LIX1: variants seen among roughly 807,000 people sequenced by gnomAD.
LIX1 encodes limb and CNS expressed 1.
LIX1 carries 24 observed loss-of-function variants against 33.4 expected under a neutral mutation model. The observed-to-expected ratio is 0.72, with a 90% confidence interval of 0.52 to 1.01. The LOEUF (loss-of-function observed/expected upper bound fraction) is 1.01, where lower values mean the gene tolerates loss of function less well. Among genes scored for constraint, LIX1 ranks in the 50% least tolerant of loss-of-function variants. The probability of loss-of-function intolerance (pLI) is 0.00; values close to 1 mark genes in which losing one functional copy is unlikely to be tolerated. For missense variants in LIX1, 311 were observed against 339.2 expected (o/e 0.92, Z 0.65); for synonymous variants, 124 against 124.0 (o/e 1.00, Z 0.00).
chr5:97,115,993 C>A (rs144131880), intron 2 of LIX1, among the ~76,000 whole-genome samples: 7 of 152,142 alleles, frequency 4.6e-5, no homozygotes, highest in Non-Finnish European at 1.0e-4. Flanking sequence ...CAAATCCTAT[C>A]GGCTGTTAGG....
chr5:97,142,309 T>A (rs1285516707), intron 1 of LIX1, among the ~76,000 whole-genome samples, 186 bp downstream of exon 1: 1 of 152,212 alleles, frequency 6.6e-6, no homozygotes, highest in Non-Finnish European at 1.5e-5. Context: ...AATAACCCAG[T>A]GCCTAATGCC....
At chr5:97,119,030 C>T (rs1747710685) in intron 2 of LIX1, among the ~76,000 whole-genome samples, 1 of 152,194 alleles carries the variant, frequency 6.6e-6, no homozygotes, top group Non-Finnish European at 1.5e-5. Context: ...AATCAGAAAA[C>T]TAAAGTTCAG....
intron 4 of LIX1, among the ~76,000 whole-genome samples, chr5:97,102,501 T>C (rs1746762709): frequency 1.3e-5 from 2 of 152,144 alleles, no homozygotes; most frequent in Non-Finnish European, 2.9e-5. Context: ...GGAGTTTGGA[T>C]TTTCCCTGCC....
At chr5:97,140,222 G>T (rs1478316080) in intron 1 of LIX1, among the ~76,000 whole-genome samples, 1 of 152,140 alleles carries the variant, frequency 6.6e-6, no homozygotes, top group Non-Finnish European at 1.5e-5. Flanking sequence ...AGTGTTTTGT[G>T]TGTGCATGTG....
At chr5:97,120,575 G>A (rs934391157) in intron 2 of LIX1, among the ~76,000 whole-genome samples, 1 of 152,180 alleles carries the variant, frequency 6.6e-6, no homozygotes, top group South Asian at 2.1e-4. Flanking sequence ...AAGATGGTCA[G>A]GGTTTAGACA....
intron 4 of LIX1, chr5:97,103,113 A>T (rs1746807204): frequency 2.2e-6 from 1 of 451,338 alleles, no homozygotes; most frequent in South Asian, 1.6e-5. Context: ...GACTTTTTAA[A>T]GTTTATATTC....
chr5:97,132,575 G>T (rs1748079748), intron 1 of LIX1, among the ~76,000 whole-genome samples: 2 of 152,014 alleles, frequency 1.3e-5, no homozygotes, highest in Non-Finnish European at 2.9e-5. Context: ...TTTGACAAGA[G>T]ACAGGGTGAG....
At chr5:97,137,644 T>A (rs1241918175) in intron 1 of LIX1, among the ~76,000 whole-genome samples, 1 of 152,170 alleles carries the variant, frequency 6.6e-6, no homozygotes, top group Non-Finnish European at 1.5e-5. Flanking sequence ...ATTAGCAGAG[T>A]TCAAATTACT....
chr5:97,129,188 C>T (rs1307488926), intron 1 of LIX1, among the ~76,000 whole-genome samples: 1 of 152,126 alleles, frequency 6.6e-6, no homozygotes, highest in Non-Finnish European at 1.5e-5. Context: ...TGTCTATTGT[C>T]TTCTTGAATG....
At chr5:97,134,631 T>C (rs1247480576) in intron 1 of LIX1, among the ~76,000 whole-genome samples, 15 of 152,352 alleles carry the variant, frequency 9.8e-5, no homozygotes, top group Admixed American at 4.6e-4. Flanking sequence ...CCCTAAACAA[T>C]TGAAAGGGTA....
chr5:97,134,119 C>A lies in LIX1; in HGVS notation c.82+8376G>T, dbSNP rs370352691. 3.3e-5 allele frequency among the ~76,000 whole-genome samples: 5 copies of A among 152,224 alleles called. No individual in the cohort carries two copies. The South Asian group carries it at 8.3e-4, about 25-fold the overall frequency. On this transcript the variant is annotated intron_variant, in intron 1 of 5. Coordinates refer to ENST00000274382, the MANE Select transcript of LIX1 (RefSeq NM_153234.5). ...CATTAAGAGGCTTTCAAGATGATTA[C>A]CATATATATATATTTTTTGAGATGG...
chr5:97,132,662 G>A (rs1748081362), intron 1 of LIX1, among the ~76,000 whole-genome samples: 1 of 152,196 alleles, frequency 6.6e-6, no homozygotes, highest in South Asian at 2.1e-4. Context: ...CAGGAGAGAA[G>A]GGTAGGAACA....
chr5:97,122,066 C>A (rs1206037869), intron 2 of LIX1, among the ~76,000 whole-genome samples: 1 of 152,172 alleles, frequency 6.6e-6, no homozygotes, highest in Non-Finnish European at 1.5e-5. Flanking sequence ...TTACATCAAG[C>A]TCTGTTCTGA....
intron 1 of LIX1, among the ~76,000 whole-genome samples, chr5:97,130,964 T>C (rs938683297): frequency 3.3e-5 from 5 of 152,224 alleles, no homozygotes; most frequent in Non-Finnish European, 7.3e-5. Context: ...GTGTGGCTAC[T>C]TTCTTCTTCA....
In LIX1 at chr5:97,103,230, A is replaced by G. The variant is rs6885356; in HGVS notation, c.483+1960T>C. The G allele has an allele frequency of 5.5e-3, 1,891 of 344,738 alleles. 31 individuals are homozygous for G. The highest frequency in any genetic ancestry group is 0.038 in the African/African-American group (1,712 of 45,484). 21.4% of individuals were successfully genotyped at this position (344,738 alleles called of 1,614,324 possible). ...TACAGATCGACTCTTTTATCCTACA[A>G]TAGGGGCTCTGAACCATTTTGTGTA... is the stretch of plus-strand genomic sequence containing the variant. On this transcript the variant is annotated intron_variant, in intron 4 of 5. Coordinates refer to ENST00000274382, the MANE Select transcript of LIX1 (RefSeq NM_153234.5).
At chr5:97,110,237 G>A (rs1747307368) in intron 2 of LIX1, among the ~76,000 whole-genome samples, 1 of 152,186 alleles carries the variant, frequency 6.6e-6, no homozygotes, top group East Asian at 1.9e-4. Flanking sequence ...TACATGGTGA[G>A]TGTGTTGATG....
chr5:97,130,817 A>G (rs1748039575), intron 1 of LIX1, among the ~76,000 whole-genome samples: 1 of 152,192 alleles, frequency 6.6e-6, no homozygotes, highest in African/African-American at 2.4e-5. Flanking sequence ...CTCTGAAATG[A>G]CTTTGCAGAT....
intron 4 of LIX1, among the ~76,000 whole-genome samples, chr5:97,100,539 T>C (rs887599209): frequency 6.6e-6 from 1 of 152,222 alleles, no homozygotes; most frequent in Non-Finnish European, 1.5e-5. Flanking sequence ...TTGTCTCACT[T>C]CTTTATTTCC....
At chr5:97,095,240 A>C (rs1746319143) in intron 5 of LIX1, among the ~76,000 whole-genome samples, 1 of 152,238 alleles carries the variant, frequency 6.6e-6, no homozygotes, top group Admixed American at 6.5e-5. Flanking sequence ...ACACCACTCC[A>C]GGTTGAGTCA....
Sources: gnomAD v4.1 joint callset for allele counts (sites outside exome capture counted in the v4.1 genomes callset) on GRCh38, gnomAD v4.1.1 for gene constraint, MANE v1.5 for transcripts, NCBI Gene and HGNC (gene_info 2026-07-23, HGNC 2026-07-21) for gene names.